CCDC175: variants seen among roughly 807,000 people sequenced by gnomAD.
CCDC175 encodes the protein coiled-coil domain containing 175, also known as coiled-coil domain-containing protein 175.
A neutral mutation model predicts 114.6 loss-of-function variants in CCDC175; 100 were observed. The observed-to-expected ratio is 0.87, with a 90% CI of 0.74 to 1.03. The LOEUF is 1.03. Among genes scored for constraint, CCDC175 ranks in the 50% least tolerant of loss-of-function variants. CCDC175 has a pLI of 0.00. For missense variants in CCDC175, 880 were observed against 917.8 expected, an observed-to-expected ratio of 0.96 and a Z score of 0.53; for synonymous variants, 306 against 308.7, an observed-to-expected ratio of 0.99 and a Z score of 0.09.
intron 17 of CCDC175, among the ~76,000 whole-genome samples, chr14:59,514,519 G>A (rs1892949558): frequency 6.6e-6 from 1 of 152,192 alleles, no homozygotes; most frequent in Admixed American, 6.5e-5. Context: ...CATGACAAAT[G>A]CATAAGCCTC....
chr14:59,574,943 C>T lies in CCDC175; in HGVS notation c.243G>A (p.Leu81=). The change falls in exon 2 of 20, where the codon TTG becomes TTA. Residue 81 remains leucine, a splice_region_variant and synonymous_variant. Transcript: ENST00000537690. The stretch of plus-strand genomic sequence containing the variant: ...ATGGTTCTTATAGATAATACAATAC[C>T]AATTTCTTAACAGCTACAGCAATGT... ...LKDIAVAVKK[L]EEMRKATIDL... is the part of the protein sequence containing the mutation. 1 of 1,427,398 alleles carries T rather than the reference C, an allele frequency of 7.0e-7. No homozygotes were observed. The highest frequency in any genetic ancestry group is 9.4e-7 in the Non-Finnish European group (1 of 1,058,894). 88.4% of individuals were successfully genotyped at this position (1,427,398 alleles called of 1,614,324 possible).
chr14:59,516,365 T>C (rs1459244831), intron 17 of CCDC175, among the ~76,000 whole-genome samples: 1 of 152,050 alleles, frequency 6.6e-6, no homozygotes, highest in East Asian at 1.9e-4. Context: ...TTCAAAAAAA[T>C]CAATGAATCC....
Position 59,576,754 on chromosome 14 carries a change from G to A in CCDC175, c.22C>T (p.Pro8Ser), listed in dbSNP as rs1266902807. ...AGCTTCTCGCCAGCGCCCAGCCCTG[G>A]GGTCCAGGGGCTCAGGGCCATTTTG... MALSPWT[P>S]GLGAGEKLVQ... Residue 8 changes from proline to serine, a missense_variant, in exon 1 of 20, where the codon CCA (proline) becomes TCA (serine). Coordinates refer to ENST00000537690, the MANE Select transcript of CCDC175 (RefSeq NM_001164399.2). The A allele has an allele frequency of 4.1e-6, 6 of 1,462,258 alleles. No individual in the cohort carries two copies. The highest frequency in any genetic ancestry group is 5.4e-6 in the Non-Finnish European group (6 of 1,118,252). The allele number at this position is 1,462,258 out of a possible 1,614,324, so 90.6% of individuals were successfully genotyped here.
chr14:59,515,927 C>T (rs1248442316), intron 17 of CCDC175, among the ~76,000 whole-genome samples: 2 of 152,174 alleles, frequency 1.3e-5, no homozygotes, highest in East Asian at 3.8e-4. Flanking sequence ...CTAAAGCACT[C>T]CTCAGCAAAT....
At chr14:59,555,401 C>A (rs969414660) in intron 7 of CCDC175, among the ~76,000 whole-genome samples, 6 of 152,110 alleles carry the variant, frequency 3.9e-5, no homozygotes. Context: ...AGGCCTTTGA[C>A]AAAATTCAAC....
Position 59,543,294 on chromosome 14 carries a change from A to C in CCDC175, c.1283+50T>G, listed in dbSNP as rs76011180. 225 of 651,830 alleles carry C rather than the reference A, an allele frequency of 3.5e-4. 2 individuals are homozygous for C. The East Asian group carries it at 6.8e-3, about 20-fold the overall frequency. 40.4% of individuals were successfully genotyped at this position (651,830 alleles called of 1,614,324 possible). On this transcript the variant is annotated intron_variant, in intron 10 of 19. Transcript: ENST00000537690. ...ATTTACTGCTATCATTTATTAAAAA[A>C]TAAATGCAGAGAAAGTAAAGATAAA... is the stretch of plus-strand genomic sequence containing the variant.
intron 9 of CCDC175, 82 bp downstream of exon 9, chr14:59,545,081 A>G (rs1895020983): frequency 1.5e-6 from 2 of 1,306,932 alleles, no homozygotes; most frequent in East Asian, 5.1e-5. Context: ...GATAAGTTTA[A>G]GTGGAGAGCC....
At chr14:59,551,708 C>T (rs1895500189) in intron 7 of CCDC175, among the ~76,000 whole-genome samples, 1 of 152,188 alleles carries the variant, frequency 6.6e-6, no homozygotes, top group Non-Finnish European at 1.5e-5. Flanking sequence ...TAAGGGAATT[C>T]CCTTTCCTAG....
At chr14:59,525,058 T>C (rs1300317209) in intron 16 of CCDC175, among the ~76,000 whole-genome samples, 1 of 152,198 alleles carries the variant, frequency 6.6e-6, no homozygotes, top group Non-Finnish European at 1.5e-5. Context: ...AGAAGGGGCA[T>C]AGAGGATATC....
At chr14:59,520,681 C>G (rs1053899273) in intron 17 of CCDC175, among the ~76,000 whole-genome samples, 3 of 152,102 alleles carry the variant, frequency 2.0e-5, no homozygotes, top group African/African-American at 7.2e-5. Flanking sequence ...TAAAAAGGAG[C>G]AAACTAGTGA....
At position 59,538,725 on chromosome 14, in the gene CCDC175, G is replaced by A. The variant is rs1372982767; in HGVS notation, c.1471C>T (p.Arg491Ter). Residue 491 changes from arginine (R) to a stop codon, truncating the protein, a stop_gained, in exon 12 of 20, where the codon CGA becomes TGA. Coordinates refer to ENST00000537690, the MANE Select transcript of CCDC175 (RefSeq NM_001164399.2). LOFTEE classifies it high-confidence loss of function. Reference sequence around the variant, plus strand: ...CTTACCTCGTTAAGTAATTCAATTCGTCTAACTTCTGCATTCTGAATTTTT... The same window carrying A: ...CTTACCTCGTTAAGTAATTCAATTCATCTAACTTCTGCATTCTGAATTTTT... Reference protein sequence around the residue: ...TEKIQNAEVRRIELLNETSFR... With the variant: ...TEKIQNAEVR 9.1e-6 allele frequency: 14 copies of A among 1,535,302 alleles called. No homozygotes were observed. Among genetic ancestry groups the A allele is most frequent in the East Asian group, 4.9e-5 (2 of 40,840 alleles).
At chr14:59,540,378 C>T (rs960740369) in intron 11 of CCDC175, among the ~76,000 whole-genome samples, 1 of 152,074 alleles carries the variant, frequency 6.6e-6, no homozygotes, top group Non-Finnish European at 1.5e-5. Flanking sequence ...TGTCACCTCC[C>T]CTACTGGTTC....
chr14:59,560,094 TGTG>T (rs1896141959), intron 7 of CCDC175, among the ~76,000 whole-genome samples: 1 of 152,084 alleles, frequency 6.6e-6, no homozygotes, highest in African/African-American at 2.4e-5. Flanking sequence ...GAGTTTTAGT[TGTG>T]GTATTAATTG....
intron 16 of CCDC175, among the ~76,000 whole-genome samples, 182 bp downstream of exon 16, chr14:59,525,100 G>A (rs969753049): frequency 6.6e-6 from 1 of 152,172 alleles, no homozygotes; most frequent in Non-Finnish European, 1.5e-5. Context: ...TTCTTGATGT[G>A]GGTCCTGGTA....
chr14:59,507,466 A>G (rs751982447), intron 19 of CCDC175, among the ~76,000 whole-genome samples: 16 of 152,226 alleles, frequency 1.1e-4, no homozygotes, highest in Non-Finnish European at 1.8e-4. Flanking sequence ...AATGTTAATG[A>G]AGCTAGTGCA....
chr14:59,528,820 G>T (rs1893897564), intron 14 of CCDC175, among the ~76,000 whole-genome samples: 1 of 151,746 alleles, frequency 6.6e-6, no homozygotes, highest in African/African-American at 2.4e-5. Flanking sequence ...TTTTCCTATT[G>T]AATTTTAACA....
intron 7 of CCDC175, among the ~76,000 whole-genome samples, chr14:59,558,612 A>G (rs558595644): frequency 2.9e-4 from 44 of 152,304 alleles, no homozygotes; most frequent in African/African-American, 1.1e-3. Flanking sequence ...TGGCGGTGCC[A>G]CATTAACTGA....
chr14:59,551,693 A>C (rs1386316082), intron 7 of CCDC175, among the ~76,000 whole-genome samples: 1 of 152,244 alleles, frequency 6.6e-6, no homozygotes, highest in Non-Finnish European at 1.5e-5. Context: ...AGGAAGCACA[A>C]GGGGTAAGGG....
intron 17 of CCDC175, among the ~76,000 whole-genome samples, chr14:59,516,326 A>G (rs1893083080): frequency 6.6e-6 from 1 of 152,198 alleles, no homozygotes; most frequent in African/African-American, 2.4e-5. Flanking sequence ...TCAGAGCAGA[A>G]CTGAAGGAAA....
Sources: gnomAD v4.1 joint callset for allele counts (sites outside exome capture counted in the v4.1 genomes callset) on GRCh38, gnomAD v4.1.1 for gene constraint, MANE v1.5 for transcripts, NCBI Gene and HGNC (gene_info 2026-07-23, HGNC 2026-07-21) for gene names.